NCAM1: variants seen among roughly 807,000 people sequenced by gnomAD.
The protein encoded by NCAM1 is neural cell adhesion molecule 1.
A neutral mutation model predicts 109.8 loss-of-function variants in NCAM1; 14 were observed. The ratio of observed to expected loss-of-function variants is 0.13; its 90% confidence interval spans 0.08 to 0.20. NCAM1 has a LOEUF of 0.20. NCAM1 is among the 10% of genes least tolerant of loss of function. NCAM1 has a pLI of 1.00. For missense variants in NCAM1, 774 were observed against 1,109.9 expected (o/e 0.70, Z 4.30); for synonymous variants, 418 against 442.9 (o/e 0.94, Z 0.70).
intron 1 of NCAM1, among the ~76,000 whole-genome samples, chr11:113,158,215 T>G (rs1473549472): frequency 6.6e-6 from 1 of 152,228 alleles, no homozygotes; most frequent in Non-Finnish European, 1.5e-5. Context: ...AATTCTTCAC[T>G]TGAAAGCTTG....
chr11:113,096,629 G>A (rs1475252017), intron 1 of NCAM1, among the ~76,000 whole-genome samples: 3 of 152,080 alleles, frequency 2.0e-5, no homozygotes, highest in African/African-American at 7.2e-5. Context: ...GACAAGATCA[G>A]GTCCCTTCTA....
At chr11:113,069,292 C>A (rs1938147026) in intron 1 of NCAM1, among the ~76,000 whole-genome samples, 1 of 152,136 alleles carries the variant, frequency 6.6e-6, no homozygotes, top group African/African-American at 2.4e-5. Flanking sequence ...AAGAAAAGAG[C>A]TTTGGGGTCT....
chr11:113,177,230 G>A (rs1555107190), intron 1 of NCAM1, among the ~76,000 whole-genome samples: 1 of 152,134 alleles, frequency 6.6e-6, no homozygotes, highest in African/African-American at 2.4e-5. Flanking sequence ...GTAGATCCTG[G>A]TGTAAGCTGC....
intron 1 of NCAM1, chr11:113,133,332 G>A (rs955236095): frequency 2.0e-5 from 3 of 152,200 alleles, no homozygotes; most frequent in East Asian, 1.9e-4. Context: ...TTCCAAGGAC[G>A]TAATCTGACT....
intron 1 of NCAM1, among the ~76,000 whole-genome samples, chr11:113,136,273 T>C (rs1941593071): frequency 6.6e-6 from 1 of 152,168 alleles, no homozygotes. Flanking sequence ...TAGAAAGAAA[T>C]ACACAGCTGC....
At position 113,275,567 on chromosome 11, in the gene NCAM1, A is replaced by T; in HGVS notation, c.*180A>T. The T allele has an allele frequency of 1.3e-6, 1 of 753,066 alleles. No homozygotes were observed. The highest frequency in any genetic ancestry group is 2.0e-6 in the Non-Finnish European group (1 of 503,260). 46.6% of individuals were successfully genotyped at this position (753,066 alleles called of 1,614,324 possible). A position where few individuals can be genotyped will look rare whatever the true frequency, so the allele number is the denominator to read the frequency against. On this transcript the variant is annotated 3_prime_UTR_variant, in exon 20 of 20. Transcript: ENST00000316851. Reference sequence around the variant, plus strand: ...AAAAACTAAACAGATAAAACATGGGAATCTCCTTTTTGTAGGTTTATAGAA... The same window carrying T: ...AAAAACTAAACAGATAAAACATGGGTATCTCCTTTTTGTAGGTTTATAGAA...
At chr11:112,980,618 T>C (rs1283268988) in intron 1 of NCAM1, among the ~76,000 whole-genome samples, 3 of 151,818 alleles carry the variant, frequency 2.0e-5, no homozygotes, top group African/African-American at 7.2e-5. Context: ...AGTTTATTTA[T>C]TTATTTTTCA....
chr11:113,199,660 C>T (rs1040911623), intron 1 of NCAM1, among the ~76,000 whole-genome samples: 35 of 151,472 alleles, frequency 2.3e-4, no homozygotes, highest in Non-Finnish European at 5.9e-5. Context: ...GGAGGGATAG[C>T]ATTAGGAGAT....
rs963024120 is a variant in NCAM1, at chr11:113,277,249, C to G, written c.*1862C>G. 1 of 398,608 alleles carries G rather than the reference C, an allele frequency of 2.5e-6. No homozygotes were observed. The highest frequency in any genetic ancestry group is 4.4e-6 in the Non-Finnish European group (1 of 225,872). The allele number at this position is 398,608 out of a possible 1,614,324, so 24.7% of individuals were successfully genotyped here. On this transcript the variant is annotated 3_prime_UTR_variant, in exon 20 of 20. Transcript: ENST00000316851. ...CACTCTCCCCAACGTTCTGACACTT[C>G]TGCAGTCTGATCAGTGGCGATGCTA...
At chr11:113,142,173 T>C (rs1384325093) in intron 1 of NCAM1, among the ~76,000 whole-genome samples, 4 of 152,290 alleles carry the variant, frequency 2.6e-5, no homozygotes, top group African/African-American at 9.6e-5. Flanking sequence ...TTTCATTTGT[T>C]TCTCATGGGG....
chr11:113,270,949 A>T lies in NCAM1; in HGVS notation c.2339+554A>T, dbSNP rs1490811334. On this transcript the variant is annotated intron_variant, in intron 18 of 19. Transcript: ENST00000316851. Reference sequence around the variant, plus strand: ...AACAGATCCTAAGCCAGTTAGCAAGAGCCTTCGAAGACTGTCACTGGGTGG... The same window carrying T: ...AACAGATCCTAAGCCAGTTAGCAAGTGCCTTCGAAGACTGTCACTGGGTGG... Among the ~76,000 whole-genome samples, 4 of 152,188 alleles carry T rather than the reference A, an allele frequency of 2.6e-5. No individual in the cohort carries two copies. In the East Asian group the frequency reaches 7.7e-4, roughly 29 times the overall value.
At chr11:112,989,717 GCA>G (rs1951407582) in intron 1 of NCAM1, among the ~76,000 whole-genome samples, 1 of 152,080 alleles carries the variant, frequency 6.6e-6, no homozygotes, top group African/African-American at 2.4e-5. Flanking sequence ...GTTGGTGTCT[GCA>G]TTTGAAGGAG....
chr11:113,232,156 G>A lies in NCAM1; in HGVS notation c.1241-14G>A. The A allele has an allele frequency of 6.4e-7, 1 of 1,571,374 alleles. No homozygotes were observed. The highest frequency in any genetic ancestry group is 8.6e-7 in the Non-Finnish European group (1 of 1,160,444). The stretch of plus-strand genomic sequence containing the variant: ...CATGGCAGTCATCCTGACAGTCATT[G>A]TTATTTATTGCAGATGCCCCAAAGC... On this transcript the variant is annotated splice_polypyrimidine_tract_variant and intron_variant, in intron 10 of 19. Transcript: ENST00000316851.
intron 1 of NCAM1, among the ~76,000 whole-genome samples, chr11:113,104,202 T>TTGGGG (rs1940025809): frequency 3.9e-4 from 1 of 2,548 alleles, no homozygotes; most frequent in African/African-American, 1.5e-3. Context: ...GAAGAGGAGG[T>TTGGGG]GGGGTGGGGG....
At chr11:113,240,478 A>T in intron 14 of NCAM1, 1 of 414,052 alleles carries the variant, frequency 2.4e-6, no homozygotes, top group Non-Finnish European at 4.3e-6. Flanking sequence ...CTATGGAGAC[A>T]GCTGGTCCTG....
intron 1 of NCAM1, among the ~76,000 whole-genome samples, chr11:113,151,538 A>G (rs569576551): frequency 2.6e-5 from 4 of 152,354 alleles, no homozygotes; most frequent in Admixed American, 6.5e-5. Context: ...CAGGTTTGCC[A>G]TTGTGTAGAA....
intron 1 of NCAM1, among the ~76,000 whole-genome samples, chr11:113,201,632 C>T (rs1555111824): frequency 6.6e-6 from 1 of 152,192 alleles, no homozygotes; most frequent in African/African-American, 2.4e-5. Flanking sequence ...CTTATCGGTG[C>T]AGTGGAATGA....
In NCAM1 at chr11:113,128,589, G is replaced by A. The variant is rs191525843; in HGVS notation, c.53-73790G>A. Among the ~76,000 whole-genome samples, 705 of 152,278 alleles carry A rather than the reference G, an allele frequency of 4.6e-3. 5 individuals carry two copies. The highest frequency in any genetic ancestry group is 0.024 in the Middle Eastern group (7 of 294). Reference sequence around the variant, plus strand: ...TGCTTTTATCCCTTCCCACAGCAGCGTCCTTTCCCTCTGCCCCCTTCATAG... The same window carrying A: ...TGCTTTTATCCCTTCCCACAGCAGCATCCTTTCCCTCTGCCCCCTTCATAG... On this transcript the variant is annotated intron_variant, in intron 1 of 19. Transcript: ENST00000316851.
intron 1 of NCAM1, among the ~76,000 whole-genome samples, chr11:112,976,591 G>T (rs1055313146): frequency 6.6e-6 from 1 of 151,786 alleles, no homozygotes; most frequent in Non-Finnish European, 1.5e-5. Flanking sequence ...AAAATGTCTG[G>T]AATGACTTGT....
Sources: gnomAD v4.1 joint callset for allele counts (sites outside exome capture counted in the v4.1 genomes callset) on GRCh38, gnomAD v4.1.1 for gene constraint, MANE v1.5 for transcripts, NCBI Gene and HGNC (gene_info 2026-07-23, HGNC 2026-07-21) for gene names.